GALNT13: variants seen among roughly 807,000 people sequenced by gnomAD.
GALNT13 encodes UDP-GalNAc:polypeptide N-acetylgalactosaminyltransferase 13.
A neutral mutation model predicts 64.2 loss-of-function variants in GALNT13; 28 were observed. That is an observed-to-expected ratio of 0.44 (90% confidence interval 0.32 to 0.60). The LOEUF (loss-of-function observed/expected upper bound fraction) is 0.60. Among genes scored for constraint, GALNT13 ranks in the 20% least tolerant of loss-of-function variants. GALNT13 has a pLI of 0.05. For synonymous variants in GALNT13, 214 were observed against 224.6 expected, an observed-to-expected ratio of 0.95 and a Z score of 0.42; for missense variants, 577 against 669.8, an observed-to-expected ratio of 0.86 and a Z score of 1.53.
intron 9 of GALNT13, among the ~76,000 whole-genome samples, chr2:154,327,416 T>C: frequency 6.6e-6 from 1 of 152,066 alleles, no homozygotes; most frequent in East Asian, 1.9e-4. Flanking sequence ...TGTTCTGACT[T>C]ATTGTTTTTA....
chr2:153,650,068 A>G, the GALNT13 span, among the ~76,000 whole-genome samples: 2 of 152,132 alleles, frequency 1.3e-5, no homozygotes, highest in African/African-American at 4.8e-5. Flanking sequence ...GTGGGGTGTT[A>G]AAGTTTCCCA....
intron 9 of GALNT13, among the ~76,000 whole-genome samples, chr2:154,373,067 A>G (rs1697789968): frequency 6.6e-6 from 1 of 152,128 alleles, no homozygotes; most frequent in South Asian, 2.1e-4. Flanking sequence ...AAATATTTAA[A>G]GAAGTATTTT....
chr2:153,416,466 C>T, the GALNT13 span, among the ~76,000 whole-genome samples: 1 of 152,126 alleles, frequency 6.6e-6, no homozygotes, highest in Non-Finnish European at 1.5e-5. Context: ...ACATATTTTC[C>T]CACTGAATAC....
At chr2:154,301,913 G>T (rs971238075) in intron 9 of GALNT13, among the ~76,000 whole-genome samples, 9 of 151,854 alleles carry the variant, frequency 5.9e-5, no homozygotes, top group Non-Finnish European at 1.3e-4. Flanking sequence ...AGTAGGGGAA[G>T]ATTAAATGAC....
chr2:154,198,240 T>C (rs1686981038), intron 4 of GALNT13, among the ~76,000 whole-genome samples: 1 of 152,116 alleles, frequency 6.6e-6, no homozygotes, highest in Non-Finnish European at 1.5e-5. Flanking sequence ...TGAGTAACTA[T>C]TGAGACGGTG....
At chr2:154,000,343 T>C (rs1178444533) in intron 3 of GALNT13, among the ~76,000 whole-genome samples, 1 of 152,050 alleles carries the variant, frequency 6.6e-6, no homozygotes, top group East Asian at 1.9e-4. Flanking sequence ...TCTTCCCTTC[T>C]ACTAATTTTG....
At chr2:153,339,737 T>C in the GALNT13 span, among the ~76,000 whole-genome samples, 1 of 152,210 alleles carries the variant, frequency 6.6e-6, no homozygotes, top group East Asian at 1.9e-4. Context: ...TAGTTTCAGG[T>C]CTTATGGTTA....
the GALNT13 span, among the ~76,000 whole-genome samples, chr2:153,098,278 T>C: frequency 6.6e-6 from 1 of 152,194 alleles, no homozygotes; most frequent in Admixed American, 6.5e-5. Context: ...CCCTGAAGTC[T>C]TGCTTATCAT....
chr2:154,394,736 A>C (rs1263005029), intron 9 of GALNT13, among the ~76,000 whole-genome samples: 2 of 152,208 alleles, frequency 1.3e-5, no homozygotes, highest in East Asian at 3.9e-4. Flanking sequence ...ATTATTTCGA[A>C]AGCAAATATT....
the GALNT13 span, among the ~76,000 whole-genome samples, chr2:153,497,522 A>T: frequency 2.7e-3 from 100 of 36,842 alleles, no homozygotes; most frequent in Admixed American, 3.8e-3. Flanking sequence ...TTTCTCCCGC[A>T]TTTTTTTTTT....
chr2:154,063,933 A>T (rs921827630), intron 3 of GALNT13, among the ~76,000 whole-genome samples: 1 of 152,308 alleles, frequency 6.6e-6, no homozygotes, highest in East Asian at 1.9e-4. Context: ...CAGGTAAGCC[A>T]TGATAGTACC....
At chr2:153,643,249 T>G in the GALNT13 span, among the ~76,000 whole-genome samples, 1 of 151,384 alleles carries the variant, frequency 6.6e-6, no homozygotes, top group African/African-American at 2.4e-5. Context: ...TAAACAAATT[T>G]CTAGTAACTG....
At chr2:153,944,299 G>A (rs72865048) in intron 2 of GALNT13, 95 bp from the exon 3 acceptor site, 6,121 of 476,482 alleles carry the variant, frequency 0.013, 50 homozygotes, top group Non-Finnish European at 0.017. Context: ...ATATATTTGA[G>A]AACATTAAAT....
At chr2:153,634,762 G>C in the GALNT13 span, among the ~76,000 whole-genome samples, 2 of 151,884 alleles carry the variant, frequency 1.3e-5, no homozygotes, top group African/African-American at 4.8e-5. Flanking sequence ...TATTGACCAG[G>C]CTGGTCTTGA....
chr2:153,398,060 T>C, the GALNT13 span, among the ~76,000 whole-genome samples: 3 of 150,618 alleles, frequency 2.0e-5, no homozygotes, highest in Non-Finnish European at 4.4e-5. Context: ...CTCGCAATGC[T>C]ATCCCTCCCC....
the GALNT13 span, among the ~76,000 whole-genome samples, chr2:153,125,362 T>C: frequency 7.5e-6 from 1 of 133,302 alleles, no homozygotes; most frequent in African/African-American, 2.6e-5. Flanking sequence ...TAACCATTAC[T>C]GAACTGATTT....
chr2:154,052,303 G>A (rs1699666400), intron 3 of GALNT13, among the ~76,000 whole-genome samples: 1 of 152,084 alleles, frequency 6.6e-6, no homozygotes, highest in Non-Finnish European at 1.5e-5. Flanking sequence ...CTTTCCTGAG[G>A]TCATCTTACA....
the GALNT13 span, among the ~76,000 whole-genome samples, chr2:153,432,113 AAGG>A: frequency 7.6e-3 from 1,150 of 152,286 alleles, 13 homozygotes; most frequent in African/African-American, 0.027. Flanking sequence ...TGGGAAAAAA[AAGG>A]AGAAGGAATT....
chr2:153,899,916 CATATAT>C (rs869097034), intron 1 of GALNT13, among the ~76,000 whole-genome samples: 10 of 125,310 alleles, frequency 8.0e-5, no homozygotes, highest in Middle Eastern at 4.3e-3. Flanking sequence ...GAGATATATA[CATATAT>C]ATATATATAT....
Sources: gnomAD v4.1 joint callset for allele counts (sites outside exome capture counted in the v4.1 genomes callset) on GRCh38, gnomAD v4.1.1 for gene constraint, MANE v1.5 for transcripts, NCBI Gene and HGNC (gene_info 2026-07-23, HGNC 2026-07-21) for gene names.